Variants in CFAP299 observed in about 807,000 individuals in gnomAD.
CFAP299 encodes the protein cilia and flagella associated protein 299.
CFAP299 carries 21 observed loss-of-function variants against 27.0 expected under a neutral mutation model. That is an observed-to-expected ratio of 0.78 (90% CI 0.55 to 1.12). CFAP299 has a LOEUF of 1.12. Ranked by LOEUF, CFAP299 falls within the 50% of genes most tolerant of loss-of-function variation. CFAP299 has a pLI of 0.00. For missense variants in CFAP299, 310 were observed against 276.6 expected (o/e 1.12, Z -0.86); for synonymous variants, 104 against 98.1 (o/e 1.06, Z -0.36).
chr4:80,576,011 A>C (rs1735834363), intron 2 of CFAP299, among the ~76,000 whole-genome samples: 1 of 151,884 alleles, frequency 6.6e-6, no homozygotes. Context: ...CAGGAAGGGG[A>C]ACATCACAAA....
At chr4:80,773,117 A>C (rs1726318900) in intron 3 of CFAP299, among the ~76,000 whole-genome samples, 2 of 152,176 alleles carry the variant, frequency 1.3e-5, no homozygotes, top group Non-Finnish European at 2.9e-5. Context: ...GAACAGAAAT[A>C]GGAGCTATTT....
chr4:80,397,027 G>A (rs1428992708), intron 2 of CFAP299, among the ~76,000 whole-genome samples: 1 of 152,024 alleles, frequency 6.6e-6, no homozygotes, highest in Non-Finnish European at 1.5e-5. Context: ...TTTTTGGTTG[G>A]TAGGCTATTA....
intron 3 of CFAP299, among the ~76,000 whole-genome samples, chr4:80,629,871 GAAAAAAA>G (rs1239255685): frequency 6.0e-5 from 4 of 66,988 alleles, no homozygotes; most frequent in African/African-American, 1.5e-4. Context: ...TCTGTATCTG[GAAAAAAA>G]AAAAAACAAA....
chr4:80,677,012 C>G (rs1409151145), intron 3 of CFAP299, among the ~76,000 whole-genome samples: 1 of 151,726 alleles, frequency 6.6e-6, no homozygotes, highest in Non-Finnish European at 1.5e-5. Context: ...TCTTGCTTTT[C>G]TAAATTCTTT....
chr4:80,324,375 T>C, the CFAP299 span, among the ~76,000 whole-genome samples: 1 of 152,214 alleles, frequency 6.6e-6, no homozygotes, highest in African/African-American at 2.4e-5. Context: ...TCAATTTTTA[T>C]TGTCAGTCTT....
intron 2 of CFAP299, among the ~76,000 whole-genome samples, chr4:80,400,332 A>G (rs114489522): frequency 0.017 from 2,608 of 152,218 alleles, 75 homozygotes; most frequent in African/African-American, 0.059. Flanking sequence ...TCCATTTCAC[A>G]AATGGGGAAA....
At chr4:80,560,913 G>T (rs1246205507) in intron 2 of CFAP299, among the ~76,000 whole-genome samples, 1 of 152,198 alleles carries the variant, frequency 6.6e-6, no homozygotes, top group Non-Finnish European at 1.5e-5. Context: ...GAAGGACACA[G>T]ACCTGTCTGG....
chr4:80,913,769 G>A (rs1176970615), intron 4 of CFAP299, among the ~76,000 whole-genome samples: 1 of 151,948 alleles, frequency 6.6e-6, no homozygotes, highest in African/African-American at 2.4e-5. Flanking sequence ...TGGCTAATGT[G>A]TACAGTAATC....
intron 1 of CFAP299, among the ~76,000 whole-genome samples, chr4:80,352,421 T>C (rs1225921581): frequency 6.6e-6 from 1 of 151,926 alleles, no homozygotes; most frequent in Non-Finnish European, 1.5e-5. Context: ...ACAGAAATTA[T>C]GCGGGGACAG....
Position 80,346,109 on chromosome 4 carries a change from T to A in CFAP299, c.111+10230T>A, listed in dbSNP as rs541967804. On this transcript the variant is annotated intron_variant, in intron 1 of 5. Transcript: ENST00000358105. Reference sequence around the variant, plus strand: ...GTCTGCTCATATCCTTTGTCCACTTTTTGATGGGGTTGTTTGATTTTTTCT... The same window carrying A: ...GTCTGCTCATATCCTTTGTCCACTTATTGATGGGGTTGTTTGATTTTTTCT... Among the ~76,000 whole-genome samples the A allele has an allele frequency of 1.1e-4, 17 of 152,342 alleles. No homozygotes were observed. In the East Asian group the frequency reaches 3.3e-3, roughly 29 times the overall value.
At chr4:80,852,792 C>T (rs963876995) in intron 3 of CFAP299, among the ~76,000 whole-genome samples, 2 of 152,118 alleles carry the variant, frequency 1.3e-5, no homozygotes, top group African/African-American at 2.4e-5. Flanking sequence ...GTAAAGTTCT[C>T]TTTCTAATAT....
intron 4 of CFAP299, among the ~76,000 whole-genome samples, chr4:80,883,013 TATA>T (rs767776207): frequency 4.6e-5 from 7 of 152,058 alleles, no homozygotes; most frequent in Non-Finnish European, 8.8e-5. Context: ...ATAGATAAAA[TATA>T]ATAATGGTGA....
At chr4:80,447,116 TTTG>T (rs1333656037) in intron 2 of CFAP299, among the ~76,000 whole-genome samples, 8 of 113,386 alleles carry the variant, frequency 7.1e-5, no homozygotes, top group Admixed American at 1.8e-4. Flanking sequence ...TTGCTTTTTA[TTTG>T]TTTTTTTTTT....
intron 2 of CFAP299, among the ~76,000 whole-genome samples, chr4:80,532,181 C>T (rs1409405836): frequency 6.6e-6 from 1 of 152,242 alleles, no homozygotes; most frequent in East Asian, 1.9e-4. Flanking sequence ...AAGCAAAATC[C>T]ATCTTAAAAT....
At chr4:80,461,394 G>C (rs1018820343) in intron 2 of CFAP299, among the ~76,000 whole-genome samples, 8 of 152,112 alleles carry the variant, frequency 5.3e-5, no homozygotes, top group African/African-American at 1.9e-4. Context: ...TTCAGGGTCT[G>C]CTGTCTGGAT....
chr4:80,868,985 A>T (rs1233088842), intron 3 of CFAP299, among the ~76,000 whole-genome samples: 2 of 149,566 alleles, frequency 1.3e-5, no homozygotes, highest in Admixed American at 1.3e-4. Context: ...AGCAAGCTTG[A>T]TGGTGAAAAG....
rs190711262 is a variant in CFAP299 at position 80,905,114 on chromosome 4, A to G, written c.476+34979A>G. ...AGTTAAAATAGAACCTATCCTTTTTAGGTTGAAGGGCCTCATTTATTGAAT... is the reference window on the plus strand; with the variant it reads ...AGTTAAAATAGAACCTATCCTTTTTGGGTTGAAGGGCCTCATTTATTGAAT... On this transcript the variant is annotated intron_variant, in intron 4 of 5. Transcript: ENST00000358105. Among the ~76,000 whole-genome samples, 20 of 152,330 alleles carry G rather than the reference A, an allele frequency of 1.3e-4. No individual in the cohort carries two copies. In the East Asian group the frequency reaches 3.7e-3, roughly 28 times the overall value.
At chr4:80,597,276 G>A (rs1193500093) in intron 3 of CFAP299, among the ~76,000 whole-genome samples, 1 of 152,106 alleles carries the variant, frequency 6.6e-6, no homozygotes, top group Non-Finnish European at 1.5e-5. Flanking sequence ...TAAGTATATA[G>A]CATTATATCA....
chr4:80,392,382 C>T (rs567062284), intron 2 of CFAP299, among the ~76,000 whole-genome samples: 27 of 152,176 alleles, frequency 1.8e-4, no homozygotes, highest in African/African-American at 3.4e-4. Context: ...TAGTATAGTT[C>T]GGCTGTGTCC....
Sources: gnomAD v4.1 joint callset for allele counts (sites outside exome capture counted in the v4.1 genomes callset) on GRCh38, gnomAD v4.1.1 for gene constraint, MANE v1.5 for transcripts, NCBI Gene and HGNC (gene_info 2026-07-23, HGNC 2026-07-21) for gene names.